Variants in TENM4 observed in about 807,000 individuals in gnomAD.
The protein encoded by TENM4 is teneurin transmembrane protein 4, also known as teneurin-4.
Under a neutral mutation model 243.3 loss-of-function variants are expected in TENM4, and 82 were observed. The ratio of observed to expected loss-of-function variants is 0.34; its 90% CI spans 0.28 to 0.40. TENM4 has a LOEUF of 0.40. Ranked by LOEUF, TENM4 falls within the 10% of genes least tolerant of loss-of-function variation. The probability of loss-of-function intolerance (pLI) is 1.00; values close to 1 mark genes in which losing one functional copy is unlikely to be tolerated. For missense variants in TENM4, 3,138 were observed against 3,673.3 expected, an observed-to-expected ratio of 0.85 and a Z score of 3.77; for synonymous variants, 1,412 against 1,456.3, an observed-to-expected ratio of 0.97 and a Z score of 0.69.
chr11:79,181,702 A>AT (rs1565238762), intron 3 of TENM4, among the ~76,000 whole-genome samples: 1 of 151,518 alleles, frequency 6.6e-6, no homozygotes, highest in African/African-American at 2.4e-5. Context: ...GAAAGAACTG[A>AT]TTAAAAAAAA....
chr11:79,373,064 G>GA (rs140594897), intron 1 of TENM4, among the ~76,000 whole-genome samples: 1 of 151,944 alleles, frequency 6.6e-6, no homozygotes, highest in African/African-American at 2.4e-5. Context: ...TCTTAATTAT[G>GA]AAAAAAATAT....
rs547732038 is a variant in TENM4, at chr11:79,279,432, C to G, written c.-265+18056G>C. ...TCTGACTTCTTTACTGTTGGATATC[C>G]AGAGCCCAGCAAGGTGGGAGCACCT... On this transcript the variant is annotated intron_variant, in intron 2 of 33. Coordinates refer to ENST00000278550, the MANE Select transcript of TENM4 (RefSeq NM_001098816.3). Among the ~76,000 whole-genome samples, 21 of 152,262 alleles carry G rather than the reference C, an allele frequency of 1.4e-4. No individual in the cohort carries two copies. The East Asian group carries it at 4.1e-3, about 29-fold the overall frequency.
At chr11:78,985,477 C>T (rs186884962) in intron 6 of TENM4, among the ~76,000 whole-genome samples, 23 of 152,228 alleles carry the variant, frequency 1.5e-4, no homozygotes, top group African/African-American at 2.4e-4. Context: ...ACCTGATAGG[C>T]GTAAAATAGT....
intron 6 of TENM4, among the ~76,000 whole-genome samples, chr11:79,023,034 A>G (rs977798328): frequency 2.0e-5 from 3 of 152,210 alleles, no homozygotes; most frequent in Non-Finnish European, 4.4e-5. Context: ...ATTGACAGAG[A>G]TTACTGCTTG....
At chr11:78,715,643 G>C (rs1258058528) in intron 25 of TENM4, among the ~76,000 whole-genome samples, 1 of 152,174 alleles carries the variant, frequency 6.6e-6, no homozygotes, top group Non-Finnish European at 1.5e-5. Context: ...AACTAGCTTT[G>C]AGCTTAGAAG....
Position 78,732,446 on chromosome 11 carries a change from T to G in TENM4, c.3008A>C (p.His1003Pro), listed in dbSNP as rs1231863815. ...FFVMETIIMR[H>P]EENEIPSCDL... ...ACAGCTGGGAATCTCATTCTCCTCATGTCTCATGATGATGGTTTCCATGAC... is the reference window on the plus strand; with the variant it reads ...ACAGCTGGGAATCTCATTCTCCTCAGGTCTCATGATGATGGTTTCCATGAC... Residue 1003 changes from histidine to proline, a missense_variant, in exon 21 of 34, where the codon CAT becomes CCT. By Grantham distance (77) the His-to-Pro change is moderately conservative (BLOSUM62 -2). Transcript: ENST00000278550. 5.6e-6 allele frequency: 9 copies of G among 1,613,862 alleles called. No individual in the cohort carries two copies. In the East Asian group the frequency reaches 2.0e-4, roughly 36 times the overall value.
At chr11:78,838,185 T>C (rs1053723452) in intron 12 of TENM4, among the ~76,000 whole-genome samples, 1 of 152,222 alleles carries the variant, frequency 6.6e-6, no homozygotes, top group Middle Eastern at 3.2e-3. Flanking sequence ...TAAACATATT[T>C]CATGTATGTT....
intron 3 of TENM4, among the ~76,000 whole-genome samples, chr11:79,187,237 TC>T (rs1364177653): frequency 3.9e-5 from 6 of 152,152 alleles, no homozygotes; most frequent in Admixed American, 2.6e-4. Context: ...GTTACAATAA[TC>T]CTTTCCACTG....
chr11:79,023,168 T>G (rs907283000), intron 6 of TENM4, among the ~76,000 whole-genome samples: 1 of 152,216 alleles, frequency 6.6e-6, no homozygotes, highest in Non-Finnish European at 1.5e-5. Flanking sequence ...CAGATATACC[T>G]ATGATACCTG....
chr11:78,817,109 C>A (rs1415268319), intron 12 of TENM4, among the ~76,000 whole-genome samples: 1 of 152,152 alleles, frequency 6.6e-6, no homozygotes, highest in Non-Finnish European at 1.5e-5. Context: ...TTAAATGCAG[C>A]ATAGCACTTA....
intron 1 of TENM4, among the ~76,000 whole-genome samples, chr11:79,374,487 C>G (rs1857849882): frequency 6.6e-6 from 1 of 151,930 alleles, no homozygotes; most frequent in Admixed American, 6.6e-5. Flanking sequence ...CTGGAAAGCC[C>G]ATTTCCTTAG....
At chr11:78,948,547 A>G (rs2136482327) in intron 6 of TENM4, among the ~76,000 whole-genome samples, 1 of 151,962 alleles carries the variant, frequency 6.6e-6, no homozygotes, top group African/African-American at 2.4e-5. Flanking sequence ...TAATTTTTGT[A>G]TTTTTAGTAG....
chr11:79,423,298 C>A (rs1858974796), intron 1 of TENM4, among the ~76,000 whole-genome samples: 1 of 151,488 alleles, frequency 6.6e-6, no homozygotes, highest in Non-Finnish European at 1.5e-5. Context: ...GCAACCCCCA[C>A]CCCCGCCATT....
At chr11:79,252,637 T>G (rs1855631598) in intron 2 of TENM4, among the ~76,000 whole-genome samples, 1 of 152,180 alleles carries the variant, frequency 6.6e-6, no homozygotes, top group Non-Finnish European at 1.5e-5. Flanking sequence ...CTCCTAATTC[T>G]TCACCCTTCT....
intron 10 of TENM4, among the ~76,000 whole-genome samples, chr11:78,861,173 G>T (rs1333018928): frequency 1.3e-5 from 2 of 152,178 alleles, no homozygotes; most frequent in Non-Finnish European, 2.9e-5. Context: ...AGCTGACATG[G>T]GCACCACGAG....
chr11:79,440,200 C>T lies in TENM4; in HGVS notation c.-321+309G>A, dbSNP rs1859373324. Among the ~76,000 whole-genome samples the T allele has an allele frequency of 6.6e-6, 1 of 152,100 alleles. No homozygotes were observed. Among genetic ancestry groups the T allele is most frequent in the African/African-American group, 2.4e-5 (1 of 41,432 alleles). On this transcript the variant is annotated intron_variant, in intron 1 of 33. Transcript: ENST00000278550. This position sits in a 1 kb window ranked among gnomAD's most constrained non-coding sequence, Gnocchi z 4.7. ...GAGAGGCAGACGAACCTGGGGCGCG[C>T]CGCCTCCCTCCCACCCGCTTCCCAC...
intron 6 of TENM4, among the ~76,000 whole-genome samples, chr11:79,008,384 G>A (rs939185936): frequency 6.6e-6 from 1 of 151,992 alleles, no homozygotes; most frequent in Non-Finnish European, 1.5e-5. Context: ...TTAGAAACAT[G>A]TATTTTAAAC....
intron 6 of TENM4, among the ~76,000 whole-genome samples, chr11:78,919,552 G>A (rs969844100): frequency 6.6e-5 from 10 of 151,984 alleles, no homozygotes; most frequent in Non-Finnish European, 1.2e-4. Context: ...GTTTTTTTCC[G>A]TTTGGTTACA....
intron 6 of TENM4, among the ~76,000 whole-genome samples, chr11:79,050,454 GCTGT>G (rs1404462741): frequency 6.6e-6 from 1 of 152,134 alleles, no homozygotes; most frequent in Admixed American, 6.6e-5. Flanking sequence ...ACTTCTAATT[GCTGT>G]CTAACTTCTG....
Sources: allele counts gnomAD v4.1 joint callset (sites outside exome capture counted in the v4.1 genomes callset), GRCh38; gene constraint gnomAD v4.1.1; non-coding constraint Gnocchi (gnomAD v3.1); transcripts MANE v1.5; gene names NCBI Gene and HGNC (gene_info 2026-07-23, HGNC 2026-07-21).